Variants in CLSTN2 observed in about 807,000 individuals in gnomAD.
CLSTN2 encodes the protein calsyntenin-2.
CLSTN2 carries 48 observed loss-of-function variants against 101.2 expected under a neutral mutation model. The ratio of observed to expected loss-of-function variants is 0.47; its 90% CI spans 0.38 to 0.60. The LOEUF is 0.60. Ranked by LOEUF, CLSTN2 falls within the 20% of genes least tolerant of loss-of-function variation. The pLI is 0.00. For missense variants in CLSTN2, 1,160 were observed against 1,238.2 expected, an observed-to-expected ratio of 0.94 and a Z score of 0.95; for synonymous variants, 481 against 463.6, an observed-to-expected ratio of 1.04 and a Z score of -0.48.
chr3:140,225,992 C>A (rs1243765190), intron 2 of CLSTN2, among the ~76,000 whole-genome samples: 2 of 152,058 alleles, frequency 1.3e-5, no homozygotes, highest in Non-Finnish European at 2.9e-5. Flanking sequence ...GATACCAACA[C>A]AAGCTTATGA....
chr3:140,248,145 C>G (rs1438651144), intron 2 of CLSTN2, among the ~76,000 whole-genome samples: 1 of 152,172 alleles, frequency 6.6e-6, no homozygotes, highest in African/African-American at 2.4e-5. Context: ...GATGGAGGAG[C>G]AGGGCAATGT....
At chr3:140,376,720 A>C (rs1223184258) in intron 2 of CLSTN2, among the ~76,000 whole-genome samples, 2 of 152,238 alleles carry the variant, frequency 1.3e-5, no homozygotes, top group Non-Finnish European at 2.9e-5. Flanking sequence ...ATTTGCCAAC[A>C]GGAGAGCAGT....
chr3:140,026,885 G>A (rs2007432418), intron 1 of CLSTN2, among the ~76,000 whole-genome samples: 1 of 152,214 alleles, frequency 6.6e-6, no homozygotes, highest in South Asian at 2.1e-4. Flanking sequence ...CCTCTTGGCT[G>A]GATCGCAGGT....
intron 2 of CLSTN2, among the ~76,000 whole-genome samples, chr3:140,247,310 T>A (rs1322641541): frequency 6.6e-6 from 1 of 152,198 alleles, no homozygotes; most frequent in Non-Finnish European, 1.5e-5. Context: ...CAGGTTTTCT[T>A]GGGATTTTCT....
Position 140,128,812 on chromosome 3 carries a change from A to C in CLSTN2, c.110-47139A>C, listed in dbSNP as rs192828051. The stretch of plus-strand genomic sequence containing the variant: ...GGGGTCCATGTGGCCTCCAGGGCAC[A>C]GAACTGGATGAAGAAGGGAAGGTGG... On this transcript the variant is annotated intron_variant, in intron 1 of 16. Transcript: ENST00000458420. Among the ~76,000 whole-genome samples the C allele has an allele frequency of 3.6e-4, 55 of 152,304 alleles. No individual in the cohort carries two copies. In the East Asian group the frequency reaches 0.01, roughly 29 times the overall value.
chr3:140,526,642 A>C (rs1935146166), intron 8 of CLSTN2, among the ~76,000 whole-genome samples: 1 of 134,922 alleles, frequency 7.4e-6, no homozygotes, highest in Non-Finnish European at 1.5e-5. Flanking sequence ...AACAACAACA[A>C]CAAAAAAAAA....
chr3:139,954,852 T>G (rs1935359948), intron 1 of CLSTN2, among the ~76,000 whole-genome samples: 1 of 152,028 alleles, frequency 6.6e-6, no homozygotes, highest in South Asian at 2.1e-4. Context: ...ATCTGATTGA[T>G]ACAAATTCTG....
intron 6 of CLSTN2, among the ~76,000 whole-genome samples, chr3:140,456,860 C>A (rs188370194): frequency 3.6e-4 from 55 of 151,972 alleles, no homozygotes; most frequent in African/African-American, 1.3e-3. Flanking sequence ...TATAGAATAA[C>A]CCTGACCAGC....
At chr3:140,560,243 T>C (rs1206064259) in intron 12 of CLSTN2, among the ~76,000 whole-genome samples, 1 of 152,210 alleles carries the variant, frequency 6.6e-6, no homozygotes, top group Non-Finnish European at 1.5e-5. Flanking sequence ...AGTAGGATAA[T>C]GGCATTTGCC....
chr3:140,566,192 A>G lies in CLSTN2; in HGVS notation c.2807A>G (p.His936Arg). 21 of 1,605,252 alleles carry G rather than the reference A, an allele frequency of 1.3e-5. No homozygotes were observed. The highest frequency in any genetic ancestry group is 1.8e-5 in the Non-Finnish European group (21 of 1,175,598). ...GAGGAAGGGATGGGCAGAGGCAGAC[A>G]TGGGCAGAATGGAGCCAGGCAAGCC... ...EEEEGMGRGR[H>R]GQNGARQAQL... The change falls in exon 17 of 17, where the codon CAT becomes CGT. Residue 936 changes from histidine (H) to arginine (R), a missense_variant. Physicochemically the swap from His to Arg is conservative, Grantham distance 29 (BLOSUM62 0). Coordinates refer to ENST00000458420, the MANE Select transcript of CLSTN2 (RefSeq NM_022131.3).
intron 2 of CLSTN2, among the ~76,000 whole-genome samples, chr3:140,212,711 A>G (rs1317102052): frequency 3.3e-5 from 5 of 152,186 alleles, no homozygotes; most frequent in Non-Finnish European, 4.4e-5. Flanking sequence ...TAACAAACTC[A>G]TTTGATTTTC....
At chr3:140,406,130 T>G (rs552584753) in intron 4 of CLSTN2, among the ~76,000 whole-genome samples, 2 of 152,344 alleles carry the variant, frequency 1.3e-5, no homozygotes, top group East Asian at 3.9e-4. Context: ...TACCTCCTGA[T>G]AGCCAATGTC....
intron 1 of CLSTN2, among the ~76,000 whole-genome samples, chr3:139,985,263 C>CA (rs1936002281): frequency 6.6e-6 from 1 of 152,184 alleles, no homozygotes; most frequent in South Asian, 2.1e-4. Flanking sequence ...CCATGATGTG[C>CA]AAGTCTCCGA....
intron 2 of CLSTN2, among the ~76,000 whole-genome samples, chr3:140,231,359 A>G (rs1279774058): frequency 6.6e-6 from 1 of 152,174 alleles, no homozygotes; most frequent in African/African-American, 2.4e-5. Flanking sequence ...GTCTAGGTCT[A>G]TCCCATCACA....
intron 2 of CLSTN2, among the ~76,000 whole-genome samples, chr3:140,273,729 G>A (rs9811609): frequency 0.47 from 71,259 of 151,908 alleles, 17,835 homozygotes; most frequent in East Asian, 0.96. Flanking sequence ...AGGGTAACTC[G>A]CCCACTCTAC....
At chr3:140,091,064 G>A (rs572029348) in intron 1 of CLSTN2, among the ~76,000 whole-genome samples, 5 of 152,224 alleles carry the variant, frequency 3.3e-5, no homozygotes, top group African/African-American at 9.6e-5. Context: ...TGTCCCCTGG[G>A]GAGGTTGGTG....
rs556716449 is a variant in CLSTN2 at position 140,062,086 on chromosome 3, T to G, written c.110-113865T>G. Among the ~76,000 whole-genome samples the G allele has an allele frequency of 4.6e-5, 7 of 152,232 alleles. No individual in the cohort carries two copies. The South Asian group carries it at 1.5e-3, about 32-fold the overall frequency. On this transcript the variant is annotated intron_variant, in intron 1 of 16. Transcript: ENST00000458420. Reference sequence around the variant, plus strand: ...AGTACTGTAGAGAAGTAATTTCAGGTGAGAACTCAGCATGAGTGAAATGCA... The same window carrying G: ...AGTACTGTAGAGAAGTAATTTCAGGGGAGAACTCAGCATGAGTGAAATGCA...
At chr3:140,231,085 T>A (rs1004664407) in intron 2 of CLSTN2, among the ~76,000 whole-genome samples, 2 of 152,198 alleles carry the variant, frequency 1.3e-5, no homozygotes, top group Non-Finnish European at 2.9e-5. Flanking sequence ...TTCCCCCACT[T>A]CTAACCTTTC....
intron 1 of CLSTN2, among the ~76,000 whole-genome samples, chr3:140,078,116 A>G (rs1216940988): frequency 6.6e-6 from 1 of 152,132 alleles, no homozygotes; most frequent in Non-Finnish European, 1.5e-5. Context: ...CCTCTAGCCC[A>G]CTTGAGCTTT....
Sources: allele counts gnomAD v4.1 joint callset (sites outside exome capture counted in the v4.1 genomes callset), GRCh38; gene constraint gnomAD v4.1.1; transcripts MANE v1.5; gene names NCBI Gene and HGNC (gene_info 2026-07-23, HGNC 2026-07-21).